The following EVI5 variants were observed in gnomAD, a reference collection of about 807,000 sequenced individuals.
EVI5 encodes ecotropic viral integration site 5 protein homolog.
EVI5 carries 73 observed loss-of-function variants against 112.0 expected under a neutral mutation model. The observed-to-expected ratio is 0.65, with a 90% CI of 0.54 to 0.79. EVI5 has a LOEUF of 0.79. Ranked by LOEUF, EVI5 falls within the 30% of genes least tolerant of loss-of-function variation. The pLI, the probability that EVI5 is intolerant of heterozygous loss-of-function variation, is 0.00. For missense variants in EVI5, 900 were observed against 968.8 expected (o/e 0.93, Z 0.94); for synonymous variants, 305 against 319.9 (o/e 0.95, Z 0.50).
intron 2 of EVI5, among the ~76,000 whole-genome samples, chr1:92,718,175 G>A (rs1288517106): frequency 2.0e-5 from 3 of 152,140 alleles, no homozygotes; most frequent in Non-Finnish European, 4.4e-5. Context: ...CTTGAACTCA[G>A]CTCTCGAGCA....
intron 16 of EVI5, among the ~76,000 whole-genome samples, chr1:92,618,719 C>T (rs757730074): frequency 2.6e-5 from 4 of 152,254 alleles, no homozygotes; most frequent in South Asian, 2.1e-4. Context: ...GAATGGGTAA[C>T]GGAAGGTTAG....
intron 1 of EVI5, among the ~76,000 whole-genome samples, chr1:92,752,656 G>A (rs1244445160): frequency 3.3e-5 from 5 of 151,970 alleles, no homozygotes; most frequent in African/African-American, 1.2e-4. Context: ...GAGGGGCAGC[G>A]GTGCAGCACA....
At chr1:92,560,557 C>CT (rs920308847) in intron 19 of EVI5, among the ~76,000 whole-genome samples, 41 of 147,894 alleles carry the variant, frequency 2.8e-4, no homozygotes, top group South Asian at 4.3e-4. Flanking sequence ...ACTTTTTTTT[C>CT]TTTTTTTTTT....
At chr1:92,549,078 C>A (rs1214550086) in intron 19 of EVI5, among the ~76,000 whole-genome samples, 4 of 152,112 alleles carry the variant, frequency 2.6e-5, no homozygotes, top group Non-Finnish European at 4.4e-5. Context: ...GGAGGCATCA[C>A]GCTACCTGAC....
At chr1:92,772,154 C>T (rs967534354) in intron 1 of EVI5, among the ~76,000 whole-genome samples, 2 of 151,648 alleles carry the variant, frequency 1.3e-5, no homozygotes, top group African/African-American at 2.4e-5. Flanking sequence ...ACCCGGCCTG[C>T]CCACTGTACC....
chr1:92,621,927 C>T (rs941976525), intron 16 of EVI5, among the ~76,000 whole-genome samples: 1 of 151,912 alleles, frequency 6.6e-6, no homozygotes, highest in African/African-American at 2.4e-5. Flanking sequence ...TCAAGACTAG[C>T]CTGGCCAACA....
intron 2 of EVI5, among the ~76,000 whole-genome samples, chr1:92,709,772 T>G (rs1002461196): frequency 6.6e-6 from 1 of 152,088 alleles, no homozygotes; most frequent in African/African-American, 2.4e-5. Flanking sequence ...TATGTAAACT[T>G]TATAGACTAT....
At chr1:92,744,508 T>C (rs1030435869) in intron 1 of EVI5, among the ~76,000 whole-genome samples, 13 of 152,172 alleles carry the variant, frequency 8.5e-5, no homozygotes, top group Non-Finnish European at 1.3e-4. Flanking sequence ...TTTATCATTA[T>C]GTAATGCCTG....
chr1:92,772,854 C>G lies in EVI5; in HGVS notation c.-82+11982G>C, dbSNP rs193282801. ...CTGGGAGGTGGAGGTTGTACTGAGC[C>G]GAGATTGCACCATTGCACTCCAGCC... On this transcript the variant is annotated intron_variant, in intron 1 of 19. Transcript: ENST00000684568. Among the ~76,000 whole-genome samples, 116 of 146,250 alleles carry G rather than the reference C, an allele frequency of 7.9e-4. 4 individuals carry two copies. The East Asian group carries it at 0.018, about 23-fold the overall frequency.
chr1:92,658,840 G>T (rs924598948), intron 13 of EVI5, among the ~76,000 whole-genome samples: 3 of 152,030 alleles, frequency 2.0e-5, no homozygotes, highest in African/African-American at 7.2e-5. Flanking sequence ...ATACTACAAG[G>T]CTATAGTAAC....
At chr1:92,559,835 C>A (rs1668252348) in intron 19 of EVI5, among the ~76,000 whole-genome samples, 1 of 147,808 alleles carries the variant, frequency 6.8e-6, no homozygotes, top group African/African-American at 2.5e-5. Flanking sequence ...TATGTGACCT[C>A]ATCTGCAAAA....
intron 2 of EVI5, among the ~76,000 whole-genome samples, chr1:92,729,370 G>A (rs747274919): frequency 9.9e-5 from 15 of 152,226 alleles, no homozygotes; most frequent in African/African-American, 2.9e-4. Flanking sequence ...AAAGTATCCC[G>A]CACACATAAG....
chr1:92,706,496 C>T (rs539912084), intron 2 of EVI5, among the ~76,000 whole-genome samples: 1 of 152,262 alleles, frequency 6.6e-6, no homozygotes, highest in African/African-American at 2.4e-5. Context: ...TCACTATCAA[C>T]AGAGATATGC....
At chr1:92,625,692 T>A in intron 15 of EVI5, 102 bp downstream of exon 15, 2 of 951,940 alleles carry the variant, frequency 2.1e-6, no homozygotes, top group Admixed American at 4.4e-5. Flanking sequence ...TCTCTCACTT[T>A]AAACTCATCT....
In EVI5 at chr1:92,761,032, C is replaced by T. The variant is rs1181426513; in HGVS notation, c.-82+23804G>A. 3.1e-4 allele frequency among the ~76,000 whole-genome samples: 38 copies of T among 121,596 alleles called. No homozygotes were observed. In the East Asian group the frequency reaches 8.2e-3, roughly 26 times the overall value. The allele number at this position is 121,596 out of a possible 152,430, so 79.8% of individuals were successfully genotyped here. The stretch of plus-strand genomic sequence containing the variant: ...GAGATAGCGCCACTGCACTCCAGCC[C>T]GGGCAACACAGCGAGGCTCCATCTC... On this transcript the variant is annotated intron_variant, in intron 1 of 19. Transcript: ENST00000684568.
chr1:92,779,486 C>T (rs1010637322), intron 1 of EVI5, among the ~76,000 whole-genome samples: 5 of 151,428 alleles, frequency 3.3e-5, no homozygotes, highest in African/African-American at 1.2e-4. Context: ...CACGCCACTG[C>T]ACTCTAGCCT....
At chr1:92,541,477 A>C (rs1394250288) in intron 19 of EVI5, among the ~76,000 whole-genome samples, 1 of 152,182 alleles carries the variant, frequency 6.6e-6, no homozygotes, top group East Asian at 1.9e-4. Context: ...TGTTAGTAAG[A>C]ATGTGGATAA....
intron 1 of EVI5, chr1:92,756,105 T>G (rs1396651324): frequency 3.5e-6 from 1 of 288,670 alleles, no homozygotes; most frequent in Non-Finnish European, 7.4e-6. Flanking sequence ...AAAAAGAAGA[T>G]AGTGTGCCTA....
chr1:92,773,140 A>G (rs1683657568), intron 1 of EVI5, among the ~76,000 whole-genome samples: 1 of 143,346 alleles, frequency 7.0e-6, no homozygotes, highest in Non-Finnish European at 1.5e-5. Context: ...CAGGAGGCAG[A>G]GGTTGCAGTG....
Sources: allele counts gnomAD v4.1 joint callset (sites outside exome capture counted in the v4.1 genomes callset), GRCh38; gene constraint gnomAD v4.1.1; transcripts MANE v1.5; gene names NCBI Gene and HGNC (gene_info 2026-07-23, HGNC 2026-07-21).